ACP6: variants seen among roughly 807,000 people sequenced by gnomAD.
ACP6 encodes the protein acid phosphatase 6, lysophosphatidic.
ACP6 carries 48 observed loss-of-function variants against 48.1 expected under a neutral mutation model. The observed-to-expected ratio is 1.00, with a 90% CI of 0.79 to 1.27. The LOEUF (loss-of-function observed/expected upper bound fraction) is 1.27, where lower values mean the gene tolerates loss of function less well. Among genes scored for constraint, ACP6 ranks in the 50% most tolerant of loss-of-function variants. The pLI is 0.00. For missense variants in ACP6, 485 were observed against 529.1 expected (o/e 0.92, Z 0.82); for synonymous variants, 172 against 204.2 (o/e 0.84, Z 1.34).
chr1:147,659,617 G>T, intron 2 of ACP6, 30 bp downstream of exon 2: 2 of 1,613,856 alleles, frequency 1.2e-6, no homozygotes, highest in Non-Finnish European at 1.7e-6. Flanking sequence ...TTTGCAGTGG[G>T]GCTCCCCAGA....
rs116063529 is a variant in ACP6 at position 147,653,535 on chromosome 1, A to G, written c.780+659T>C. Among the ~76,000 whole-genome samples the G allele has an allele frequency of 5.1e-3, 772 of 152,312 alleles. 10 individuals carry two copies. The highest frequency in any genetic ancestry group is 0.018 in the African/African-American group (742 of 41,572). On this transcript the variant is annotated intron_variant, in intron 6 of 9. Coordinates refer to ENST00000583509, the MANE Select transcript of ACP6 (RefSeq NM_016361.5). ...CAAAATGAAGTCTAAAAAATACGCC[A>G]TACAAATACATGATATGAACTCTTG...
chr1:147,659,269 T>C (rs1484366712), intron 3 of ACP6, 127 bp downstream of exon 3: 12 of 1,339,442 alleles, frequency 9.0e-6, no homozygotes, highest in Non-Finnish European at 1.2e-5. Flanking sequence ...CATAAGGGTA[T>C]GCAGCATGAC....
chr1:147,655,204 A>G lies in ACP6; in HGVS notation c.604T>C (p.Tyr202His). 1 of 1,609,478 alleles carries G rather than the reference A, an allele frequency of 6.2e-7. No homozygotes were observed. Among genetic ancestry groups the G allele is most frequent in the Non-Finnish European group, 8.5e-7 (1 of 1,177,700 alleles). The change falls in exon 5 of 10, where the codon TAT becomes CAT. Residue 202 changes from tyrosine (Y) to histidine (H), a missense_variant. Tyr to His is a moderately conservative substitution (Grantham distance 83). Coordinates refer to ENST00000583509, the MANE Select transcript of ACP6 (RefSeq NM_016361.5). ...CTCCAGCAGCTTTGGTAGTTGGGAT[A>G]CAAGACTTCTGAATCTGCTTCATCA... ...HTDEADSEVL[Y>H]PNYQSCWSLR... is the part of the protein sequence containing the mutation.
At chr1:147,634,009 C>T (rs782519718) in intron 5 of ACP6, among the ~76,000 whole-genome samples, 1 of 152,140 alleles carries the variant, frequency 6.6e-6, no homozygotes, top group Non-Finnish European at 1.5e-5. Flanking sequence ...TAACTTTGTA[C>T]CCATTAAACA....
intron 1 of ACP6, among the ~76,000 whole-genome samples, chr1:147,664,260 G>T (rs1660690738): frequency 6.6e-6 from 1 of 152,106 alleles, no homozygotes; most frequent in African/African-American, 2.4e-5. Context: ...CCCTTCGAGG[G>T]TTCATGGCTC....
At chr1:147,633,942 T>C (rs1356035318) in intron 5 of ACP6, among the ~76,000 whole-genome samples, 2 of 152,222 alleles carry the variant, frequency 1.3e-5, no homozygotes, top group Non-Finnish European at 2.9e-5. Context: ...TACATTCACA[T>C]TGTTGTGCAA....
intron 6 of ACP6, 49 bp from the exon 7 acceptor site, chr1:147,652,598 A>T: frequency 6.2e-7 from 1 of 1,612,868 alleles, no homozygotes; most frequent in Non-Finnish European, 8.5e-7. Context: ...TTACCTACTG[A>T]TTCTGGCAGC....
At chr1:147,660,119 T>G (rs1251279569) in intron 1 of ACP6, among the ~76,000 whole-genome samples, 2 of 152,122 alleles carry the variant, frequency 1.3e-5, no homozygotes, top group Non-Finnish European at 2.9e-5. Flanking sequence ...ATGAAAGAAA[T>G]AAGATGTCAG....
At chr1:147,640,870 T>G (rs920219912), downstream of ACP6, among the ~76,000 whole-genome samples, 1 of 152,108 alleles carries the variant, frequency 6.6e-6, no homozygotes, top group Admixed American at 6.5e-5. Context: ...AGGGGTCAGG[T>G]TTCTAGAGGC....
rs1659555648 is a variant in ACP6 at position 147,644,601 on chromosome 1, C to T, written c.*2822G>A. On this transcript the variant is annotated 3_prime_UTR_variant, in exon 10 of 10. Coordinates refer to ENST00000583509, the MANE Select transcript of ACP6 (RefSeq NM_016361.5). ...GATGACACTGGGACTAAGACAGTAG[C>T]AATGGAAGTATTGGGACATGGTCAA... 1 of 152,194 alleles carries T rather than the reference C, an allele frequency of 6.6e-6. No homozygotes were observed. Among genetic ancestry groups the T allele is most frequent in the African/African-American group, 2.4e-5 (1 of 41,442 alleles). The allele number at this position is 152,194 out of a possible 1,614,324, so 9.4% of individuals were successfully genotyped here. A position where few individuals can be genotyped will look rare whatever the true frequency, so the allele number is the denominator to read the frequency against.
intron 6 of ACP6, among the ~76,000 whole-genome samples, chr1:147,652,830 T>A (rs1660012918): frequency 4.0e-3 from 1 of 248 alleles, no homozygotes; most frequent in African/African-American, 0.02. Context: ...TTTTTGTTGT[T>A]TTTTTGGTTT....
chr1:147,639,410 C>T (rs1238288789), downstream of ACP6, among the ~76,000 whole-genome samples: 2 of 152,210 alleles, frequency 1.3e-5, no homozygotes, highest in Non-Finnish European at 2.9e-5. Flanking sequence ...GCTGTGCCTA[C>T]CTTTATGCAG....
chr1:147,631,925 G>C (rs756024101), intron 5 of ACP6, among the ~76,000 whole-genome samples: 1 of 152,112 alleles, frequency 6.6e-6, no homozygotes, highest in Non-Finnish European at 1.5e-5. Context: ...ATTTTTGGCA[G>C]GACTGCCAGG....
Position 147,644,754 on chromosome 1 carries a change from G to A in ACP6, c.*2669C>T, listed in dbSNP as rs1179348756. The A allele has an allele frequency of 2.0e-5, 3 of 152,216 alleles. No homozygotes were observed. Among genetic ancestry groups the A allele is most frequent in the African/African-American group, 7.2e-5 (3 of 41,446 alleles). The allele number at this position is 152,216 out of a possible 1,614,324, so 9.4% of individuals were successfully genotyped here. ...CCAAAGCAACAGGGTGAATGGTGGTGTCATTTACCTAGATGGGAAAGCCTG... is the reference window on the plus strand; with the variant it reads ...CCAAAGCAACAGGGTGAATGGTGGTATCATTTACCTAGATGGGAAAGCCTG... On this transcript the variant is annotated 3_prime_UTR_variant, in exon 10 of 10. Transcript: ENST00000583509.
intron 1 of ACP6, among the ~76,000 whole-genome samples, chr1:147,665,814 C>T (rs1553213553): frequency 6.6e-6 from 1 of 152,126 alleles, no homozygotes; most frequent in East Asian, 1.9e-4. Context: ...TTCAGATTTT[C>T]AAGAATGGAT....
intron 4 of ACP6, 133 bp from the exon 5 acceptor site, chr1:147,655,381 T>A (rs1660201097): frequency 1.5e-6 from 1 of 683,040 alleles, no homozygotes; most frequent in Non-Finnish European, 2.5e-6. Flanking sequence ...AGGTTACTCC[T>A]TAAGGACAGA....
At chr1:147,666,712 C>T (rs182096108) in intron 1 of ACP6, among the ~76,000 whole-genome samples, 139 of 152,224 alleles carry the variant, frequency 9.1e-4, no homozygotes, top group African/African-American at 3.3e-3. Context: ...AATTAGAATC[C>T]TTCGGAGGGA....
chr1:147,656,376 C>A (rs587613097), intron 4 of ACP6, among the ~76,000 whole-genome samples: 2 of 152,320 alleles, frequency 1.3e-5, no homozygotes, highest in East Asian at 3.9e-4. Flanking sequence ...GTGCTGATGG[C>A]TGCAAGGTGG....
intron 8 of ACP6, among the ~76,000 whole-genome samples, chr1:147,649,533 C>T (rs1659803849): frequency 6.6e-6 from 1 of 152,060 alleles, no homozygotes; most frequent in Non-Finnish European, 1.5e-5. Context: ...CAACCTCCGC[C>T]TCCTGGGTTC....
Sources: gnomAD v4.1 joint callset for allele counts (sites outside exome capture counted in the v4.1 genomes callset) on GRCh38, gnomAD v4.1.1 for gene constraint, MANE v1.5 for transcripts, NCBI Gene and HGNC (gene_info 2026-07-23, HGNC 2026-07-21) for gene names.